PCED1B: variants seen among roughly 807,000 people sequenced by gnomAD.
PCED1B encodes PC-esterase domain-containing protein 1B.
For synonymous variants in PCED1B, 251 were observed against 246.1 expected, an observed-to-expected ratio of 1.02 and a Z score of -0.19; for missense variants, 573 against 573.9, an observed-to-expected ratio of 1.00 and a Z score of 0.02.
intron 2 of PCED1B, among the ~76,000 whole-genome samples, chr12:47,157,888 A>T (rs1941246176): frequency 6.6e-6 from 1 of 152,222 alleles, no homozygotes; most frequent in African/African-American, 2.4e-5. Flanking sequence ...AATAAATGGA[A>T]TCAGTATTTG....
chr12:47,135,535 G>C (rs1592185166), intron 2 of PCED1B: 9 of 513,932 alleles, frequency 1.8e-5, no homozygotes, highest in East Asian at 1.6e-4. Flanking sequence ...GAGCAGAATG[G>C]TCAGGAGGAT....
At chr12:47,090,849 A>G (rs1213080740) in intron 1 of PCED1B, among the ~76,000 whole-genome samples, 1 of 152,062 alleles carries the variant, frequency 6.6e-6, no homozygotes, top group Non-Finnish European at 1.5e-5. Context: ...TTTGTTGTTC[A>G]TGGGCCGGTT....
intron 2 of PCED1B, among the ~76,000 whole-genome samples, chr12:47,165,820 A>G (rs1297808750): frequency 2.6e-5 from 4 of 152,222 alleles, no homozygotes; most frequent in Non-Finnish European, 5.9e-5. Context: ...TTAGTCCTCT[A>G]TTCAATTAAA....
chr12:47,147,372 C>T (rs1201536272), intron 2 of PCED1B, among the ~76,000 whole-genome samples: 2 of 152,082 alleles, frequency 1.3e-5, no homozygotes, highest in Non-Finnish European at 2.9e-5. Flanking sequence ...CACAATTCGG[C>T]CCTATTCTTT....
At chr12:47,210,035 T>C (rs889406413) in intron 2 of PCED1B, 1 of 152,234 alleles carries the variant, frequency 6.6e-6, no homozygotes, top group Non-Finnish European at 1.5e-5. Flanking sequence ...ACAGATGATC[T>C]TGAGATTTCT....
At chr12:47,171,058 A>G (rs1202209670) in intron 2 of PCED1B, among the ~76,000 whole-genome samples, 1 of 145,314 alleles carries the variant, frequency 6.9e-6, no homozygotes, top group East Asian at 2.1e-4. Context: ...TCTTCCTGCC[A>G]GGTTACCTTT....
chr12:47,233,527 A>G (rs1424081884), intron 3 of PCED1B, among the ~76,000 whole-genome samples: 5 of 152,202 alleles, frequency 3.3e-5, no homozygotes, highest in African/African-American at 1.2e-4. Flanking sequence ...TGGGGAAGTG[A>G]CTGGGAAATA....
rs550174545 is a variant in PCED1B, at chr12:47,146,912, C to A, written c.-526+42717C>A. 1.2e-4 allele frequency among the ~76,000 whole-genome samples: 18 copies of A among 151,952 alleles called. No individual in the cohort carries two copies. The East Asian group carries it at 3.5e-3, about 29-fold the overall frequency. On this transcript the variant is annotated intron_variant, in intron 2 of 3. Transcript: ENST00000546455. ...TCTCTGAGTCATTTCTTTCCTCTTG[C>A]ATCTTACTGTATGCAGTTTAAAGTA...
chr12:47,125,499 G>A lies in PCED1B; in HGVS notation c.-526+21304G>A, dbSNP rs375190709. Among the ~76,000 whole-genome samples, 9 of 152,024 alleles carry A rather than the reference G, an allele frequency of 5.9e-5. No individual in the cohort carries two copies. In the East Asian group the frequency reaches 9.6e-4, roughly 16 times the overall value. ...ATTTCTTGACTACTTTAGGTCTTTTGAATTTTCGTATGAAGTTTATGATTA... is the reference window on the plus strand; with the variant it reads ...ATTTCTTGACTACTTTAGGTCTTTTAAATTTTCGTATGAAGTTTATGATTA... On this transcript the variant is annotated intron_variant, in intron 2 of 3. Coordinates refer to ENST00000546455, the MANE Select transcript of PCED1B (RefSeq NM_138371.3).
chr12:47,150,865 G>A (rs951041257), intron 2 of PCED1B, among the ~76,000 whole-genome samples: 1 of 152,154 alleles, frequency 6.6e-6, no homozygotes, highest in African/African-American at 2.4e-5. Flanking sequence ...ATGTGGAAAG[G>A]ACTTCTAATT....
chr12:47,215,682 AG>A (rs1943234729), intron 2 of PCED1B, among the ~76,000 whole-genome samples: 1 of 152,248 alleles, frequency 6.6e-6, no homozygotes, highest in Non-Finnish European at 1.5e-5. Context: ...GCTGGGGCTC[AG>A]GCCTGTGGTT....
intron 2 of PCED1B, among the ~76,000 whole-genome samples, chr12:47,113,337 T>C (rs1939280464): frequency 6.6e-6 from 1 of 152,216 alleles, no homozygotes; most frequent in Admixed American, 6.5e-5. Context: ...ACATATACTA[T>C]GTATCAGGCA....
At chr12:47,146,998 C>CTTTTTTTT (rs59400736) in intron 2 of PCED1B, among the ~76,000 whole-genome samples, 25 of 98,996 alleles carry the variant, frequency 2.5e-4, no homozygotes, top group South Asian at 3.8e-4. Context: ...GTTCATTGCT[C>CTTTTTTTT]TTTTTTTTTT....
chr12:47,127,962 G>T (rs563202805), intron 2 of PCED1B, among the ~76,000 whole-genome samples: 3 of 152,230 alleles, frequency 2.0e-5, no homozygotes. Context: ...TTATGATACC[G>T]CTTTATGCTT....
intron 2 of PCED1B, among the ~76,000 whole-genome samples, chr12:47,175,864 G>T (rs921813948): frequency 3.3e-5 from 5 of 151,556 alleles, no homozygotes; most frequent in Admixed American, 3.3e-4. Flanking sequence ...GAGTCACTGT[G>T]CCCGGCCTAT....
At chr12:47,171,021 G>C (rs572743367) in intron 2 of PCED1B, among the ~76,000 whole-genome samples, 10 of 148,496 alleles carry the variant, frequency 6.7e-5, no homozygotes, top group Non-Finnish European at 1.5e-4. Flanking sequence ...CAATAAATGA[G>C]ACTTTTGAAT....
At chr12:47,228,664 G>A (rs558079658) in intron 3 of PCED1B, among the ~76,000 whole-genome samples, 2 of 152,144 alleles carry the variant, frequency 1.3e-5, no homozygotes, top group South Asian at 2.1e-4. Context: ...GAGGTCAGGA[G>A]TTCAAGACCA....
chr12:47,235,407 C>T lies in PCED1B; in HGVS notation c.344C>T (p.Ala115Val). 1 of 1,614,184 alleles carries T rather than the reference C, an allele frequency of 6.2e-7. No homozygotes were observed. Among genetic ancestry groups the T allele is most frequent in the Non-Finnish European group, 8.5e-7 (1 of 1,180,040 alleles). ...AAAGAGCTGCAGTCGGGCGAGCACGCCCCCGACCTGGTCATCATGAATTCC... is the reference window on the plus strand; with the variant it reads ...AAAGAGCTGCAGTCGGGCGAGCACGTCCCCGACCTGGTCATCATGAATTCC... ...ILKELQSGEHAPDLVIMNSCL... is the reference protein window; with the variant it reads ...ILKELQSGEHVPDLVIMNSCL... The change falls in exon 4 of 4, where the codon GCC (alanine) becomes GTC (valine). Residue 115 changes from alanine (A) to valine (V), a missense_variant. By Grantham distance (64) the Ala-to-Val change is moderately conservative. Coordinates refer to ENST00000546455, the MANE Select transcript of PCED1B (RefSeq NM_138371.3).
Position 47,099,577 on chromosome 12 carries a change from C to T in PCED1B, c.-608-4536C>T, listed in dbSNP as rs562633876. On this transcript the variant is annotated intron_variant, in intron 1 of 3. Transcript: ENST00000546455. ...CTCAGAATGAATAGTTTGAGAACTT[C>T]TGGGCCTAATATTCAGATAAGACCC... Among the ~76,000 whole-genome samples, 12 of 152,298 alleles carry T rather than the reference C, an allele frequency of 7.9e-5. No homozygotes were observed. The South Asian group carries it at 2.5e-3, about 32-fold the overall frequency.
Sources: gnomAD v4.1 joint callset for allele counts (sites outside exome capture counted in the v4.1 genomes callset) on GRCh38, gnomAD v4.1.1 for gene constraint, MANE v1.5 for transcripts, NCBI Gene and HGNC (gene_info 2026-07-23, HGNC 2026-07-21) for gene names.